Variants in VPS13B observed in about 807,000 individuals in gnomAD.
VPS13B encodes intermembrane lipid transfer protein VPS13B.
In VPS13B, 285 loss-of-function variants were observed where a neutral mutation model predicts 426.4. The ratio of observed to expected loss-of-function variants is 0.67; its 90% CI spans 0.61 to 0.74. VPS13B has a LOEUF of 0.74. VPS13B is among the 30% of genes least tolerant of loss of function. The probability of loss-of-function intolerance (pLI) is 0.00; values close to 1 mark genes in which losing one functional copy is unlikely to be tolerated. For missense variants in VPS13B, 4,537 were observed against 4,782.6 expected (o/e 0.95, Z 1.51); for synonymous variants, 1,676 against 1,676.4 (o/e 1.00, Z 0.01).
chr8:99,041,536 A>G (rs1359934556), intron 3 of VPS13B, among the ~76,000 whole-genome samples: 4 of 152,182 alleles, frequency 2.6e-5, no homozygotes, highest in African/African-American at 9.6e-5. Flanking sequence ...AAATTATATG[A>G]TTGATGTGCT....
chr8:99,687,695 C>T (rs1373071928), intron 35 of VPS13B, among the ~76,000 whole-genome samples: 1 of 152,086 alleles, frequency 6.6e-6, no homozygotes, highest in Admixed American at 6.5e-5. Flanking sequence ...GCCACACAGC[C>T]ACCCTTGCGG....
chr8:99,163,505 G>A (rs879769036), intron 15 of VPS13B, among the ~76,000 whole-genome samples: 5 of 152,236 alleles, frequency 3.3e-5, no homozygotes, highest in Non-Finnish European at 5.9e-5. Flanking sequence ...TGGGTGGGAG[G>A]CTCAGGCATG....
chr8:99,771,423 C>T (rs980454736), intron 40 of VPS13B, among the ~76,000 whole-genome samples: 4 of 152,142 alleles, frequency 2.6e-5, no homozygotes, highest in African/African-American at 7.2e-5. Context: ...AAACCTCTGG[C>T]GAGTTGTATA....
chr8:99,745,317 A>G (rs1810026153), intron 39 of VPS13B, among the ~76,000 whole-genome samples: 1 of 152,034 alleles, frequency 6.6e-6, no homozygotes, highest in Non-Finnish European at 1.5e-5. Context: ...TAGTTGAAAA[A>G]AATTCTGATG....
At chr8:99,725,342 C>G (rs1588658449) in intron 39 of VPS13B, among the ~76,000 whole-genome samples, 1 of 152,166 alleles carries the variant, frequency 6.6e-6, no homozygotes, top group African/African-American at 2.4e-5. Flanking sequence ...GAGTGGCAGG[C>G]AAGCATTCCC....
At chr8:99,355,610 A>G (rs922471862) in intron 19 of VPS13B, among the ~76,000 whole-genome samples, 1 of 151,994 alleles carries the variant, frequency 6.6e-6, no homozygotes, top group Non-Finnish European at 1.5e-5. Flanking sequence ...AAACCAACCA[A>G]CAAAAAACCC....
intron 29 of VPS13B, 117 bp from the exon 30 acceptor site, chr8:99,520,782 T>G: frequency 1.4e-6 from 1 of 739,754 alleles, no homozygotes; most frequent in Non-Finnish European, 2.3e-6. Context: ...TTACTTTTTC[T>G]TATTTATTGG....
At chr8:99,556,829 C>G (rs1409543004) in intron 31 of VPS13B, among the ~76,000 whole-genome samples, 176 bp downstream of exon 31, 1 of 151,964 alleles carries the variant, frequency 6.6e-6, no homozygotes, top group African/African-American at 2.4e-5. Context: ...TGGAAACCTG[C>G]TAGTCCTACC....
At chr8:99,365,665 C>T (rs1210217603) in intron 19 of VPS13B, among the ~76,000 whole-genome samples, 5 of 151,752 alleles carry the variant, frequency 3.3e-5, no homozygotes, top group African/African-American at 1.2e-4. Flanking sequence ...TACAGGTGCA[C>T]ACCACCACGC....
At chr8:99,258,180 G>C (rs897078328) in intron 17 of VPS13B, among the ~76,000 whole-genome samples, 2 of 148,484 alleles carry the variant, frequency 1.3e-5, no homozygotes, top group African/African-American at 5.0e-5. Flanking sequence ...AGAGAAAAAA[G>C]CACTCTAATA....
At chr8:99,095,419 C>T (rs1313575470) in intron 3 of VPS13B, among the ~76,000 whole-genome samples, 1 of 152,132 alleles carries the variant, frequency 6.6e-6, no homozygotes, top group African/African-American at 2.4e-5. Context: ...TCATTTAGCC[C>T]CAGTCTAAAC....
intron 17 of VPS13B, among the ~76,000 whole-genome samples, chr8:99,268,311 C>T (rs1160266394): frequency 6.6e-6 from 1 of 152,296 alleles, no homozygotes; most frequent in Non-Finnish European, 1.5e-5. Flanking sequence ...CCACTGTCCT[C>T]CAGACCCCAG....
intron 17 of VPS13B, chr8:99,233,799 T>C: frequency 7.7e-6 from 6 of 778,798 alleles, no homozygotes; most frequent in Non-Finnish European, 1.4e-5. Context: ...AACAAGCCAT[T>C]GTGGGCCACG....
At chr8:99,376,716 T>C (rs1198077891) in intron 19 of VPS13B, among the ~76,000 whole-genome samples, 1 of 152,154 alleles carries the variant, frequency 6.6e-6, no homozygotes, top group East Asian at 1.9e-4. Context: ...ATTTGTACAA[T>C]ATGGAGGTTA....
At chr8:99,210,889 G>T (rs529808357) in intron 17 of VPS13B, among the ~76,000 whole-genome samples, 1 of 152,256 alleles carries the variant, frequency 6.6e-6, no homozygotes, top group African/African-American at 2.4e-5. Flanking sequence ...GAGTCACTGT[G>T]CCTGGCCAGG....
intron 19 of VPS13B, among the ~76,000 whole-genome samples, chr8:99,299,546 T>A (rs1398726816): frequency 6.6e-6 from 1 of 152,192 alleles, no homozygotes; most frequent in South Asian, 2.1e-4. Flanking sequence ...TGAATTTATA[T>A]TTTAGTTTTT....
chr8:99,188,291 C>T (rs1032177355), intron 16 of VPS13B, among the ~76,000 whole-genome samples: 28 of 152,002 alleles, frequency 1.8e-4, no homozygotes, highest in African/African-American at 6.8e-4. Context: ...GAAATTCTGT[C>T]TCTATGAGTC....
chr8:99,610,198 T>G (rs1033423168), intron 33 of VPS13B, among the ~76,000 whole-genome samples: 6 of 152,228 alleles, frequency 3.9e-5, no homozygotes, highest in African/African-American at 1.4e-4. Context: ...CTCAAGGATC[T>G]AGAACCAGAA....
At chr8:99,230,228 G>T (rs1399149414) in intron 17 of VPS13B, among the ~76,000 whole-genome samples, 2 of 152,020 alleles carry the variant, frequency 1.3e-5, no homozygotes, top group Admixed American at 1.3e-4. Context: ...GCTTGTGTAG[G>T]AATTTTATTT....
Sources: allele counts gnomAD v4.1 joint callset (sites outside exome capture counted in the v4.1 genomes callset), GRCh38; gene constraint gnomAD v4.1.1; transcripts MANE v1.5; gene names NCBI Gene and HGNC (gene_info 2026-07-23, HGNC 2026-07-21).